Variants in CDYL2 observed in about 807,000 individuals in gnomAD.
The protein encoded by CDYL2 is chromodomain Y like 2.
In CDYL2, 23 loss-of-function variants were observed where a neutral mutation model predicts 49.4. That is an observed-to-expected ratio of 0.47 (90% CI 0.34 to 0.66). CDYL2 has a LOEUF of 0.66. Among genes scored for constraint, CDYL2 ranks in the 30% least tolerant of loss-of-function variants. CDYL2 has a pLI of 0.01. For missense variants in CDYL2, 678 were observed against 656.4 expected, an observed-to-expected ratio of 1.03 and a Z score of -0.36; for synonymous variants, 360 against 268.8, an observed-to-expected ratio of 1.34 and a Z score of -3.32.
intron 1 of CDYL2, among the ~76,000 whole-genome samples, chr16:80,733,498 C>G (rs1905405394): frequency 6.6e-6 from 1 of 152,182 alleles, no homozygotes; most frequent in Non-Finnish European, 1.5e-5. Context: ...TTGAAGACAT[C>G]TGTGTCCTCT....
chr16:80,781,313 A>G (rs750621842), intron 1 of CDYL2, among the ~76,000 whole-genome samples: 3 of 152,206 alleles, frequency 2.0e-5, no homozygotes, highest in Non-Finnish European at 4.4e-5. Context: ...AAATACTAAT[A>G]TTGTTCAATC....
rs1278157965 is a variant in CDYL2 at position 80,603,262 on chromosome 16, T to C, written c.*1126A>G. On this transcript the variant is annotated 3_prime_UTR_variant, in exon 7 of 7. Coordinates refer to ENST00000570137, the MANE Select transcript of CDYL2 (RefSeq NM_152342.4). ...TCATTTGCCCCAAAGAAAGAAGTCT[T>C]ATTCTAGACAGTATGCTATTCTCAG... 6.6e-6 allele frequency: 1 copy of C among 152,190 alleles called. No homozygotes were observed. Among genetic ancestry groups the C allele is most frequent in the Admixed American group, 6.5e-5 (1 of 15,284 alleles). The allele number at this position is 152,190 out of a possible 1,614,324, so 9.4% of individuals were successfully genotyped here.
chr16:80,708,122 G>C (rs1001733006), intron 1 of CDYL2, among the ~76,000 whole-genome samples: 3 of 152,146 alleles, frequency 2.0e-5, no homozygotes, highest in African/African-American at 7.2e-5. Flanking sequence ...GACTGGGATG[G>C]AAGGATAGGA....
intron 1 of CDYL2, among the ~76,000 whole-genome samples, chr16:80,743,557 C>T (rs1397198622): frequency 6.6e-6 from 1 of 152,204 alleles, no homozygotes; most frequent in Non-Finnish European, 1.5e-5. Context: ...GTCTCACCTA[C>T]ATCCCAGTGA....
At chr16:80,662,065 C>A (rs537061196) in intron 2 of CDYL2, among the ~76,000 whole-genome samples, 2 of 152,308 alleles carry the variant, frequency 1.3e-5, no homozygotes, top group Admixed American at 1.3e-4. Context: ...ACTCACAGAT[C>A]ATGAAGTCTC....
intron 4 of CDYL2, among the ~76,000 whole-genome samples, chr16:80,616,710 C>A (rs1906842349): frequency 1.3e-5 from 2 of 152,198 alleles, no homozygotes. Context: ...GTCTTAGACT[C>A]AGCTTAGCTA....
chr16:80,643,605 T>A (rs1182342448), intron 2 of CDYL2, among the ~76,000 whole-genome samples: 1 of 152,238 alleles, frequency 6.6e-6, no homozygotes, highest in Non-Finnish European at 1.5e-5. Context: ...TTCTGAAATC[T>A]AGGTGGAGGT....
intron 1 of CDYL2, among the ~76,000 whole-genome samples, chr16:80,794,598 ATTTTTTTTTTTTT>A (rs966789395): frequency 6.0e-5 from 4 of 66,830 alleles, no homozygotes; most frequent in Non-Finnish European, 8.9e-5. Context: ...ATTCCCAGTG[ATTTTTTTTTTTTT>A]TTTTTTTTTT....
At chr16:80,730,437 A>C (rs979915997) in intron 1 of CDYL2, among the ~76,000 whole-genome samples, 4 of 152,062 alleles carry the variant, frequency 2.6e-5, no homozygotes, top group African/African-American at 9.7e-5. Flanking sequence ...CAATAACAGG[A>C]GCTGAAATTG....
chr16:80,766,542 T>A (rs1405239159), intron 1 of CDYL2, among the ~76,000 whole-genome samples: 1 of 152,156 alleles, frequency 6.6e-6, no homozygotes, highest in African/African-American at 2.4e-5. Context: ...GTAATAAGTA[T>A]CAGAAGTTTT....
At chr16:80,702,940 C>G (rs1177091555) in intron 1 of CDYL2, among the ~76,000 whole-genome samples, 1 of 152,152 alleles carries the variant, frequency 6.6e-6, no homozygotes, top group Admixed American at 6.5e-5. Flanking sequence ...AAGAAATAAT[C>G]AGTTGTTATT....
chr16:80,644,699 G>A (rs1908256586), intron 2 of CDYL2, among the ~76,000 whole-genome samples: 1 of 152,124 alleles, frequency 6.6e-6, no homozygotes, highest in Non-Finnish European at 1.5e-5. Context: ...AACAGTATGG[G>A]GGAAACTGCC....
intron 1 of CDYL2, among the ~76,000 whole-genome samples, chr16:80,694,465 A>G (rs1456179904): frequency 6.8e-6 from 1 of 147,142 alleles, no homozygotes; most frequent in East Asian, 1.9e-4. Flanking sequence ...TTGATAGGAA[A>G]TGAAAGCCAG....
chr16:80,665,894 T>C (rs1909241678), intron 2 of CDYL2, among the ~76,000 whole-genome samples: 1 of 152,212 alleles, frequency 6.6e-6, no homozygotes, highest in African/African-American at 2.4e-5. Context: ...ACCCAGGGGC[T>C]GTCCCTCTTG....
chr16:80,615,751 G>A (rs971923031), intron 4 of CDYL2, among the ~76,000 whole-genome samples: 18 of 152,106 alleles, frequency 1.2e-4, no homozygotes, highest in Non-Finnish European at 2.1e-4. Flanking sequence ...GGGACCAGGC[G>A]TGCAGAGCTC....
chr16:80,609,089 A>C (rs1323012011), intron 5 of CDYL2, among the ~76,000 whole-genome samples: 3 of 152,104 alleles, frequency 2.0e-5, no homozygotes, highest in Non-Finnish European at 4.4e-5. Context: ...GGGTCTGGTG[A>C]CCTGGGATAT....
intron 1 of CDYL2, among the ~76,000 whole-genome samples, chr16:80,699,340 G>T (rs1904289316): frequency 2.6e-5 from 4 of 152,160 alleles, no homozygotes; most frequent in African/African-American, 4.8e-5. Context: ...CCATAAAAAA[G>T]TATGAGATTC....
chr16:80,765,992 C>A (rs940091807), intron 1 of CDYL2, among the ~76,000 whole-genome samples: 1 of 151,348 alleles, frequency 6.6e-6, no homozygotes. Flanking sequence ...GATCACACAT[C>A]GCATGATTCC....
intron 1 of CDYL2, among the ~76,000 whole-genome samples, chr16:80,744,122 G>T (rs1040547916): frequency 6.6e-6 from 1 of 152,186 alleles, no homozygotes; most frequent in African/African-American, 2.4e-5. Context: ...GCACAGAGAA[G>T]TTAGAGCAAC....
Sources: gnomAD v4.1 joint callset for allele counts (sites outside exome capture counted in the v4.1 genomes callset) on GRCh38, gnomAD v4.1.1 for gene constraint, MANE v1.5 for transcripts, NCBI Gene and HGNC (gene_info 2026-07-23, HGNC 2026-07-21) for gene names.